SEMA3A: variants seen among roughly 807,000 people sequenced by gnomAD.
SEMA3A encodes semaphorin-3A.
Under a neutral mutation model 97.9 loss-of-function variants are expected in SEMA3A, and 29 were observed. The observed-to-expected ratio is 0.30, with a 90% CI of 0.22 to 0.40. SEMA3A has a LOEUF of 0.40. Among genes scored for constraint, SEMA3A ranks in the 10% least tolerant of loss-of-function variants. The pLI is 1.00. For synonymous variants in SEMA3A, 321 were observed against 323.7 expected, an observed-to-expected ratio of 0.99 and a Z score of 0.09; for missense variants, 763 against 951.3, an observed-to-expected ratio of 0.80 and a Z score of 2.60.
chr7:84,339,891 C>A (rs1802121891), intron 2 of SEMA3A, among the ~76,000 whole-genome samples: 1 of 151,874 alleles, frequency 6.6e-6, no homozygotes, highest in Non-Finnish European at 1.5e-5. Flanking sequence ...AAAAAAATTT[C>A]AAGCTCATAA....
At chr7:84,457,595 G>T (rs1295407555) in intron 1 of SEMA3A, among the ~76,000 whole-genome samples, 1 of 151,922 alleles carries the variant, frequency 6.6e-6, no homozygotes, top group Non-Finnish European at 1.5e-5. Flanking sequence ...TTGTTCAGAT[G>T]AGGCATTTCT....
rs1390834916 is a variant in SEMA3A, at chr7:83,959,752, GT to G, written c.*1618del. The G allele has an allele frequency of 2.0e-5, 3 of 152,040 alleles. No homozygotes were observed. The highest frequency in any genetic ancestry group is 2.0e-4 in the Admixed American group (3 of 15,248). 9.4% of individuals were successfully genotyped at this position (152,040 alleles called of 1,614,324 possible). A position where few individuals can be genotyped will look rare whatever the true frequency, so the allele number is the denominator to read the frequency against. On this transcript the variant is annotated 3_prime_UTR_variant, in exon 17 of 17. Transcript: ENST00000265362. Reference sequence around the variant, plus strand: ...AATAAGATGTTTTCTTTGCATTTTTGTGCATGATGAGGAACCTGGGGGAGGA... The same window carrying G: ...AATAAGATGTTTTCTTTGCATTTTTGGCATGATGAGGAACCTGGGGGAGGA...
chr7:84,185,848 T>C (rs1797865433), intron 1 of SEMA3A, among the ~76,000 whole-genome samples: 1 of 152,234 alleles, frequency 6.6e-6, no homozygotes, highest in African/African-American at 2.4e-5. Context: ...TTTTCTTTTT[T>C]CCTTTGGTAA....
chr7:84,267,407 C>T (rs995050841), intron 3 of SEMA3A, among the ~76,000 whole-genome samples: 14 of 152,034 alleles, frequency 9.2e-5, no homozygotes, highest in Non-Finnish European at 2.1e-4. Flanking sequence ...TAAAAATTCC[C>T]AGAACGTATT....
chr7:84,340,888 A>G (rs141089218), intron 2 of SEMA3A, among the ~76,000 whole-genome samples: 1 of 152,054 alleles, frequency 6.6e-6, no homozygotes, highest in African/African-American at 2.4e-5. Flanking sequence ...TACATATTTG[A>G]TAGATTTATA....
chr7:84,421,611 G>A (rs373839762), intron 1 of SEMA3A, among the ~76,000 whole-genome samples: 2 of 152,044 alleles, frequency 1.3e-5, no homozygotes, highest in Non-Finnish European at 2.9e-5. Flanking sequence ...CAAAGGGAAC[G>A]CTTCCAGCAT....
In SEMA3A at chr7:84,445,804, T is replaced by C. The variant is rs142440346; in HGVS notation, c.-246+46656A>G. Among the ~76,000 whole-genome samples, 427 of 151,222 alleles carry C rather than the reference T, an allele frequency of 2.8e-3. 2 individuals are homozygous for C. The highest frequency in any genetic ancestry group is 9.7e-3 in the African/African-American group (401 of 41,264). On this transcript the variant is annotated intron_variant, in intron 1 of 3. Transcript: ENST00000424555. ...AAGCAACACCTAAATTCACAACTTG[T>C]AGATCTAGGAAAAAATACAGCAAAA...
intron 1 of SEMA3A, among the ~76,000 whole-genome samples, chr7:84,187,381 C>T (rs1042114393): frequency 7.2e-5 from 11 of 152,224 alleles, no homozygotes; most frequent in Non-Finnish European, 1.6e-4. Context: ...GATAAGAGGA[C>T]AAGGAAAATC....
chr7:84,083,295 A>C (rs1794222603), intron 4 of SEMA3A, among the ~76,000 whole-genome samples: 1 of 151,590 alleles, frequency 6.6e-6, no homozygotes, highest in Non-Finnish European at 1.5e-5. Context: ...TTTCTTTTTT[A>C]TTTTTTTCTT....
intron 3 of SEMA3A, among the ~76,000 whole-genome samples, chr7:84,297,007 C>A (rs757170048): frequency 4.6e-5 from 7 of 151,970 alleles, no homozygotes; most frequent in Admixed American, 4.6e-4. Context: ...GATGGAGTTT[C>A]GATCTTGTTG....
In SEMA3A at chr7:84,046,314, A is replaced by G; in HGVS notation, c.667+10T>C. On this transcript the variant is annotated intron_variant, in intron 6 of 16. Transcript: ENST00000265362. ...TGTTACATGTCTATGTTCTTTCATAAACCACCTACCATTGAGCCACCTGGA... is the reference window on the plus strand; with the variant it reads ...TGTTACATGTCTATGTTCTTTCATAGACCACCTACCATTGAGCCACCTGGA... 6.2e-7 allele frequency: 1 copy of G among 1,612,324 alleles called. No individual in the cohort carries two copies. The highest frequency in any genetic ancestry group is 8.5e-7 in the Non-Finnish European group (1 of 1,179,042).
chr7:84,354,498 G>C (rs994267409), intron 2 of SEMA3A, among the ~76,000 whole-genome samples: 29 of 151,244 alleles, frequency 1.9e-4, no homozygotes, highest in African/African-American at 6.3e-4. Context: ...CAAGCATTTT[G>C]AATAGATTAT....
At chr7:84,329,892 T>G (rs1009017285) in intron 2 of SEMA3A, among the ~76,000 whole-genome samples, 1 of 152,046 alleles carries the variant, frequency 6.6e-6, no homozygotes, top group African/African-American at 2.4e-5. Context: ...AGTCCCACAC[T>G]GCAAAATTTT....
chr7:84,253,883 G>A (rs1799662331), intron 3 of SEMA3A, among the ~76,000 whole-genome samples: 1 of 152,162 alleles, frequency 6.6e-6, no homozygotes, highest in African/African-American at 2.4e-5. Context: ...AGTAGTTCTG[G>A]TGGAAGCACG....
chr7:84,346,370 T>C (rs1802299732), intron 2 of SEMA3A, among the ~76,000 whole-genome samples: 1 of 152,242 alleles, frequency 6.6e-6, no homozygotes, highest in Non-Finnish European at 1.5e-5. Flanking sequence ...GAACTTTTAA[T>C]TTGCATTCAC....
chr7:84,203,777 C>G (rs565137609), intron 3 of SEMA3A, among the ~76,000 whole-genome samples: 91 of 151,650 alleles, frequency 6.0e-4, no homozygotes, highest in African/African-American at 2.0e-3. Flanking sequence ...GTGATCCAAC[C>G]GCCCCAGCCT....
chr7:84,098,648 A>G (rs1468782182), intron 4 of SEMA3A, among the ~76,000 whole-genome samples: 2 of 152,120 alleles, frequency 1.3e-5, no homozygotes, highest in African/African-American at 4.8e-5. Context: ...TACTTTCAAG[A>G]AGGTTCTTGA....
intron 1 of SEMA3A, among the ~76,000 whole-genome samples, chr7:84,159,446 A>G (rs1010089643): frequency 1.3e-5 from 2 of 152,178 alleles, no homozygotes; most frequent in Non-Finnish European, 2.9e-5. Flanking sequence ...GGAAGCACTG[A>G]TCTTTACAAA....
intron 1 of SEMA3A, among the ~76,000 whole-genome samples, chr7:84,413,212 G>A (rs1804323047): frequency 6.6e-6 from 1 of 152,002 alleles, no homozygotes; most frequent in Non-Finnish European, 1.5e-5. Flanking sequence ...GTAGAATAAT[G>A]GTTCTATTGC....
Sources: gnomAD v4.1 joint callset for allele counts (sites outside exome capture counted in the v4.1 genomes callset) on GRCh38, gnomAD v4.1.1 for gene constraint, MANE v1.5 for transcripts, NCBI Gene and HGNC (gene_info 2026-07-23, HGNC 2026-07-21) for gene names.